Variants in EYA2 observed in about 807,000 individuals in gnomAD.
The protein encoded by EYA2 is EYA transcriptional coactivator and phosphatase 2.
In EYA2, 31 loss-of-function variants were observed where a neutral mutation model predicts 69.2. The ratio of observed to expected loss-of-function variants is 0.45; its 90% CI spans 0.34 to 0.60. The LOEUF (loss-of-function observed/expected upper bound fraction) is 0.60, where lower values mean the gene tolerates loss of function less well. EYA2 is among the 20% of genes least tolerant of loss of function. The probability of loss-of-function intolerance (pLI) is 0.02; values close to 1 mark genes in which losing one functional copy is unlikely to be tolerated. For synonymous variants in EYA2, 257 were observed against 279.4 expected (o/e 0.92, Z 0.80); for missense variants, 622 against 701.2 (o/e 0.89, Z 1.28).
At chr20:46,911,927 A>G (rs1984662761) in intron 1 of EYA2, among the ~76,000 whole-genome samples, 1 of 152,216 alleles carries the variant, frequency 6.6e-6, no homozygotes, top group Non-Finnish European at 1.5e-5. Flanking sequence ...AGCTGGAAGA[A>G]AAGATTGAAA....
intron 9 of EYA2, among the ~76,000 whole-genome samples, chr20:47,130,457 G>A (rs2033314820): frequency 6.6e-6 from 1 of 151,580 alleles, no homozygotes; most frequent in Non-Finnish European, 1.5e-5. Flanking sequence ...AGTAGAGGCA[G>A]GGTTTCACCA....
At chr20:46,938,848 A>G (rs916056616) in intron 1 of EYA2, among the ~76,000 whole-genome samples, 1 of 152,066 alleles carries the variant, frequency 6.6e-6, no homozygotes, top group African/African-American at 2.4e-5. Flanking sequence ...AGTATCTTGG[A>G]TGCTGGTGAC....
chr20:46,935,109 A>G (rs1387165288), intron 1 of EYA2, among the ~76,000 whole-genome samples: 3 of 152,164 alleles, frequency 2.0e-5, no homozygotes, highest in African/African-American at 7.2e-5. Flanking sequence ...AGTGGCTAAG[A>G]CTTAGCTGGG....
At chr20:46,938,302 T>G (rs1212965562) in intron 1 of EYA2, among the ~76,000 whole-genome samples, 1 of 152,238 alleles carries the variant, frequency 6.6e-6, no homozygotes, top group Non-Finnish European at 1.5e-5. Flanking sequence ...CCATGAGAGT[T>G]ACTTGCAAAC....
intron 5 of EYA2, among the ~76,000 whole-genome samples, chr20:47,041,784 G>A (rs1985085248): frequency 6.6e-6 from 1 of 152,030 alleles, no homozygotes; most frequent in African/African-American, 2.4e-5. Flanking sequence ...CCTGTACTTT[G>A]AATATATTAT....
chr20:47,019,673 T>C (rs1324683231), intron 5 of EYA2, among the ~76,000 whole-genome samples: 3 of 152,124 alleles, frequency 2.0e-5, no homozygotes, highest in Non-Finnish European at 2.9e-5. Flanking sequence ...ATGAGTCTTT[T>C]TCCTTTCTAA....
intron 9 of EYA2, among the ~76,000 whole-genome samples, chr20:47,126,913 CCAA>C (rs1336077959): frequency 1.3e-5 from 2 of 152,162 alleles, no homozygotes; most frequent in African/African-American, 4.8e-5. Context: ...GCTCAAAATG[CCAA>C]CAGTGCCAAA....
At chr20:47,005,503 ATC>A (rs1210344387) in intron 4 of EYA2, among the ~76,000 whole-genome samples, 5 of 152,216 alleles carry the variant, frequency 3.3e-5, no homozygotes, top group Admixed American at 1.3e-4. Flanking sequence ...GCATCCTTTT[ATC>A]TCTGCATGCC....
chr20:46,991,164 G>A (rs1487585922), intron 2 of EYA2, among the ~76,000 whole-genome samples: 6 of 152,172 alleles, frequency 3.9e-5, no homozygotes, highest in Admixed American at 3.9e-4. Context: ...ACTGAGCCCC[G>A]TTCAAAGACA....
intron 1 of EYA2, among the ~76,000 whole-genome samples, chr20:46,906,294 T>C (rs977729044): frequency 1.3e-5 from 2 of 152,254 alleles, no homozygotes; most frequent in African/African-American, 4.8e-5. Context: ...GATCTATTCA[T>C]TTAAAATAAA....
chr20:47,105,386 A>G (rs1356827116), intron 9 of EYA2, among the ~76,000 whole-genome samples: 2 of 152,162 alleles, frequency 1.3e-5, no homozygotes, highest in Non-Finnish European at 2.9e-5. Flanking sequence ...GCACTTTGGG[A>G]AGCTGAGGCA....
At chr20:47,126,382 C>G (rs1258589617) in intron 9 of EYA2, among the ~76,000 whole-genome samples, 3 of 152,182 alleles carry the variant, frequency 2.0e-5, no homozygotes, top group Non-Finnish European at 4.4e-5. Context: ...TAACCTGTCT[C>G]AGGGAGGTAG....
rs985054974 is a variant in EYA2, at chr20:46,906,595, G to A, written c.-11+11608G>A. On this transcript the variant is annotated intron_variant, in intron 1 of 15. Transcript: ENST00000327619. Reference sequence around the variant, plus strand: ...CTAACTTTATGCCGGGATATGTTCCGAAAGATTATAGGCATTAACTCATTT... The same window carrying A: ...CTAACTTTATGCCGGGATATGTTCCAAAAGATTATAGGCATTAACTCATTT... Among the ~76,000 whole-genome samples the A allele has an allele frequency of 1.3e-4, 20 of 152,310 alleles. 1 individual carries two copies. In the South Asian group the frequency reaches 1.7e-3, roughly 13 times the overall value.
intron 1 of EYA2, among the ~76,000 whole-genome samples, chr20:46,930,098 A>C (rs6066123): frequency 0.6 from 91,571 of 152,064 alleles, 29,133 homozygotes; most frequent in Admixed American, 0.69. Flanking sequence ...CCATGTCAGC[A>C]TACCAGTTAG....
intron 5 of EYA2, among the ~76,000 whole-genome samples, chr20:47,067,910 A>C (rs1429807758): frequency 1.3e-5 from 2 of 152,144 alleles, no homozygotes; most frequent in African/African-American, 4.8e-5. Context: ...TTCTGAGTTG[A>C]TGTTTCTTTT....
At chr20:47,149,688 C>CAAAAAAAAAAAAAAAAAAA (rs59780173) in intron 10 of EYA2, among the ~76,000 whole-genome samples, 2 of 102,704 alleles carry the variant, frequency 1.9e-5, no homozygotes, top group Admixed American at 1.2e-4. Context: ...ACTAAAAATA[C>CAAAAAAAAAAAAAAAAAAA]AAAAAAAAAA....
intron 5 of EYA2, among the ~76,000 whole-genome samples, chr20:47,049,004 A>C (rs2030187974): frequency 6.6e-6 from 1 of 152,204 alleles, no homozygotes; most frequent in Admixed American, 6.5e-5. Context: ...ATGGCCCTGG[A>C]AGATGGGTGC....
intron 8 of EYA2, 32 bp from the exon 9 acceptor site, chr20:47,097,053 T>A (rs749866872): frequency 1.3e-6 from 2 of 1,563,276 alleles, no homozygotes; most frequent in Non-Finnish European, 8.8e-7. Context: ...TGAGTCCATT[T>A]TTCTCCATTC....
At chr20:47,032,476 C>A (rs191952959) in intron 5 of EYA2, among the ~76,000 whole-genome samples, 2 of 152,254 alleles carry the variant, frequency 1.3e-5, no homozygotes, top group East Asian at 3.9e-4. Flanking sequence ...CATTTACGAG[C>A]TTATTTTTCT....
Sources: allele counts gnomAD v4.1 joint callset (sites outside exome capture counted in the v4.1 genomes callset), GRCh38; gene constraint gnomAD v4.1.1; transcripts MANE v1.5; gene names NCBI Gene and HGNC (gene_info 2026-07-23, HGNC 2026-07-21).